PPP1R7: variants seen among roughly 807,000 people sequenced by gnomAD.
PPP1R7 encodes protein phosphatase 1 regulatory subunit 22.
In PPP1R7, 18 loss-of-function variants were observed where a neutral mutation model predicts 45.2. The observed-to-expected ratio is 0.40, with a 90% CI of 0.28 to 0.59. PPP1R7 has a LOEUF of 0.59. Among genes scored for constraint, PPP1R7 ranks in the 20% least tolerant of loss-of-function variants. The probability of loss-of-function intolerance (pLI) is 0.46; values close to 1 mark genes in which losing one functional copy is unlikely to be tolerated. For missense variants in PPP1R7, 314 were observed against 455.8 expected (o/e 0.69, Z 2.83); for synonymous variants, 181 against 183.4 (o/e 0.99, Z 0.11).
At chr2:241,181,193 C>G (rs4675987) in intron 9 of PPP1R7, among the ~76,000 whole-genome samples, 2 of 151,928 alleles carry the variant, frequency 1.3e-5, no homozygotes, top group East Asian at 1.9e-4. Flanking sequence ...GCGAGACTCC[C>G]TCTCAAAAAA....
chr2:241,163,997 G>A (rs1372741245), intron 7 of PPP1R7, among the ~76,000 whole-genome samples: 4 of 151,940 alleles, frequency 2.6e-5, no homozygotes, highest in African/African-American at 9.7e-5. Context: ...GCTCACTATA[G>A]CCTCACACTC....
chr2:241,176,220 G>A (rs534368695), intron 9 of PPP1R7, among the ~76,000 whole-genome samples: 1 of 152,134 alleles, frequency 6.6e-6, no homozygotes, highest in East Asian at 1.9e-4. Flanking sequence ...GTCAGTGCCT[G>A]AAACATATTT....
At chr2:241,150,688 C>T in intron 1 of PPP1R7, 141 bp downstream of exon 1, 1 of 1,269,292 alleles carries the variant, frequency 7.9e-7, no homozygotes, top group Non-Finnish European at 1.0e-6. Context: ...GACAGCCGGA[C>T]CCGGGGGAGC....
intron 9 of PPP1R7, among the ~76,000 whole-genome samples, chr2:241,178,839 G>A (rs996412900): frequency 2.0e-5 from 3 of 147,636 alleles, no homozygotes; most frequent in African/African-American, 7.6e-5. Flanking sequence ...TTGATGGGCC[G>A]TGCCTGTGTC....
chr2:241,175,950 G>T (rs930015867), intron 9 of PPP1R7, among the ~76,000 whole-genome samples: 4 of 152,116 alleles, frequency 2.6e-5, no homozygotes, highest in African/African-American at 9.7e-5. Flanking sequence ...GCTAATTTTT[G>T]CATTTTTAGC....
At chr2:241,167,646 C>G (rs1389865089) in intron 8 of PPP1R7, among the ~76,000 whole-genome samples, 1 of 152,042 alleles carries the variant, frequency 6.6e-6, no homozygotes, top group East Asian at 1.9e-4. Flanking sequence ...GCAGCCAGTC[C>G]CAGGAAAACT....
Position 241,158,504 on chromosome 2 carries a change from T to C in PPP1R7, c.258T>C (p.Tyr86=). ...RDAEDVDLNH[Y]RIGKIEGFEV... ...TTCAGGATGTTGATTTGAATCACTA[T>C]CGCATAGGGAAGATTGAAGGATTTG... Residue 86 remains tyrosine (Y), a synonymous_variant, in exon 4 of 10, where the codon TAT becomes TAC. Coordinates refer to ENST00000234038, the MANE Select transcript of PPP1R7 (RefSeq NM_002712.3). The C allele has an allele frequency of 6.2e-7, 1 of 1,614,140 alleles. No homozygotes were observed. Among genetic ancestry groups the C allele is most frequent in the South Asian group, 1.1e-5 (1 of 91,086 alleles).
chr2:241,170,838 A>G (rs2149065875), intron 9 of PPP1R7, among the ~76,000 whole-genome samples: 1 of 152,324 alleles, frequency 6.6e-6, no homozygotes, highest in African/African-American at 2.4e-5. Context: ...GTCTGGGAAG[A>G]TCAGAGCCAG....
intron 9 of PPP1R7, among the ~76,000 whole-genome samples, chr2:241,180,312 C>T (rs2067978666): frequency 6.8e-6 from 1 of 147,766 alleles, no homozygotes; most frequent in African/African-American, 2.5e-5. Context: ...AGTCTTTGGG[C>T]TTCCCTGGGC....
chr2:241,183,488 C>G lies in PPP1R7; in HGVS notation c.*665C>G. 2.1e-6 allele frequency: 1 copy of G among 470,836 alleles called. No individual in the cohort carries two copies. The highest frequency in any genetic ancestry group is 1.5e-5 in the South Asian group (1 of 64,530). The allele number at this position is 470,836 out of a possible 1,614,324, so 29.2% of individuals were successfully genotyped here. ...AAAGCTCAGGTGTGGGGAGGGTGTC[C>G]TGTGTCCCACACGGTGCTGTGCTGC... On this transcript the variant is annotated 3_prime_UTR_variant, in exon 10 of 10. Coordinates refer to ENST00000234038, the MANE Select transcript of PPP1R7 (RefSeq NM_002712.3).
intron 2 of PPP1R7, chr2:241,155,216 T>G (rs2067425760): frequency 6.6e-6 from 1 of 152,250 alleles, no homozygotes; most frequent in Non-Finnish European, 1.5e-5. Flanking sequence ...TTGTGTGCTT[T>G]CTTTCCCTGG....
chr2:241,176,413 T>C lies in PPP1R7; in HGVS notation c.907-6234T>C, dbSNP rs140700422. On this transcript the variant is annotated intron_variant, in intron 9 of 9. Coordinates refer to ENST00000234038, the MANE Select transcript of PPP1R7 (RefSeq NM_002712.3). ...TCACAGAGCAAGAAGTAACAGTTGC[T>C]TGTAAATACATAAAGCATTTCCTAT... is the stretch of plus-strand genomic sequence containing the variant. Among the ~76,000 whole-genome samples the C allele has an allele frequency of 5.7e-4, 87 of 152,320 alleles. No individual in the cohort carries two copies. In the East Asian group the frequency reaches 0.015, roughly 26 times the overall value.
chr2:241,160,543 G>C, intron 6 of PPP1R7, 49 bp downstream of exon 6: 3 of 1,495,536 alleles, frequency 2.0e-6, no homozygotes, highest in Non-Finnish European at 2.7e-6. Context: ...GGCAGCTAGC[G>C]GGCTGTGTGT....
rs1574739315 is a variant in PPP1R7 at position 241,180,755 on chromosome 2, G to GTCGTCCACATGGAGGCACTA, written c.907-1892_907-1891insTCGTCCACATGGAGGCACTA. Among the ~76,000 whole-genome samples the GTCGTCCACATGGAGGCACTA allele has an allele frequency of 3.3e-5, 5 of 151,252 alleles. No homozygotes were observed. The East Asian group carries it at 9.6e-4, about 29-fold the overall frequency. On this transcript the variant is annotated intron_variant, in intron 9 of 9. Coordinates refer to ENST00000234038, the MANE Select transcript of PPP1R7 (RefSeq NM_002712.3). ...CACGTCCCGTCCACATGGAGGCACT[G>GTCGTCCACATGGAGGCACTA]GTCGGGACAGCAGCAGCAGGGCACC...
chr2:241,169,760 C>G, intron 8 of PPP1R7, 21 bp from the exon 9 acceptor site: 1 of 1,570,996 alleles, frequency 6.4e-7, no homozygotes, highest in Non-Finnish European at 8.8e-7. Flanking sequence ...ATCCAGGAAA[C>G]ATTTTATTTC....
At chr2:241,152,640 C>T (rs975977258) in intron 1 of PPP1R7, among the ~76,000 whole-genome samples, 1 of 152,192 alleles carries the variant, frequency 6.6e-6, no homozygotes, top group African/African-American at 2.4e-5. Context: ...AAGAGCACAT[C>T]TCTTTGTAGA....
At chr2:241,166,491 C>A (rs781735950) in intron 8 of PPP1R7, 50 bp downstream of exon 8, 15 of 1,533,992 alleles carry the variant, frequency 9.8e-6, no homozygotes, top group Non-Finnish European at 1.3e-5. Context: ...GGGCACCAGG[C>A]GGGCAGGCAC....
chr2:241,173,799 A>G (rs986733093), intron 9 of PPP1R7, among the ~76,000 whole-genome samples: 11 of 152,142 alleles, frequency 7.2e-5, no homozygotes, highest in African/African-American at 2.7e-4. Context: ...TCTGTTGTTA[A>G]ATCTTCAAGA....
chr2:241,181,807 G>A (rs2068011446), intron 9 of PPP1R7, among the ~76,000 whole-genome samples: 1 of 152,222 alleles, frequency 6.6e-6, no homozygotes, highest in Non-Finnish European at 1.5e-5. Flanking sequence ...CTCTTCAGGA[G>A]CAGTGCCCGT....
Sources: allele counts gnomAD v4.1 joint callset (sites outside exome capture counted in the v4.1 genomes callset), GRCh38; gene constraint gnomAD v4.1.1; transcripts MANE v1.5; gene names NCBI Gene and HGNC (gene_info 2026-07-23, HGNC 2026-07-21).